Variants in ZNF438 observed in about 807,000 individuals in gnomAD.
The protein encoded by ZNF438 is zinc finger protein 438.
Under a neutral mutation model 38.0 loss-of-function variants are expected in ZNF438, and 25 were observed. The observed-to-expected ratio is 0.66, with a 90% CI of 0.48 to 0.92. The LOEUF (loss-of-function observed/expected upper bound fraction) is 0.92, where lower values mean the gene tolerates loss of function less well. ZNF438 is among the 40% of genes least tolerant of loss of function. The pLI, the probability that ZNF438 is intolerant of heterozygous loss-of-function variation, is 0.00. For synonymous variants in ZNF438, 372 were observed against 364.1 expected (o/e 1.02, Z -0.25); for missense variants, 1,007 against 999.6 (o/e 1.01, Z -0.10).
intron 3 of ZNF438, among the ~76,000 whole-genome samples, chr10:30,879,364 AT>A (rs2038906037): frequency 6.6e-6 from 1 of 152,376 alleles, no homozygotes; most frequent in East Asian, 1.9e-4. Flanking sequence ...GTTTCAAACT[AT>A]TTTAACTATG....
intron 1 of ZNF438, among the ~76,000 whole-genome samples, chr10:30,944,167 G>T (rs75079338): frequency 0.012 from 1,883 of 152,148 alleles, 29 homozygotes; most frequent in African/African-American, 0.042. Context: ...CATCTGTTTC[G>T]GCAAAAGACT....
chr10:30,865,422 G>A (rs1326013056), intron 4 of ZNF438, among the ~76,000 whole-genome samples: 3 of 150,944 alleles, frequency 2.0e-5, no homozygotes, highest in East Asian at 3.9e-4. Context: ...TTTAAGCAGC[G>A]ACAAAGTAAT....
At chr10:30,847,844 C>T (rs1468953836) in intron 5 of ZNF438, among the ~76,000 whole-genome samples, 2 of 152,370 alleles carry the variant, frequency 1.3e-5, no homozygotes, top group Admixed American at 6.5e-5. Flanking sequence ...CCAGACCCCA[C>T]GCTCACTCAC....
At chr10:30,979,041 G>C (rs909026294) in intron 1 of ZNF438, among the ~76,000 whole-genome samples, 4 of 152,306 alleles carry the variant, frequency 2.6e-5, no homozygotes, top group Admixed American at 6.5e-5. Flanking sequence ...TCTGTAAATG[G>C]AACAACAAAG....
chr10:30,973,881 T>G (rs1185440492), intron 1 of ZNF438, among the ~76,000 whole-genome samples: 4 of 152,220 alleles, frequency 2.6e-5, no homozygotes, highest in African/African-American at 7.2e-5. Flanking sequence ...TTGAAAACTC[T>G]CTCTGCCCAC....
rs113246400 is a variant in ZNF438 at position 30,873,540 on chromosome 10, ATT to A, written c.37+3456_37+3457del. Among the ~76,000 whole-genome samples, 798 of 152,256 alleles carry A rather than the reference ATT, an allele frequency of 5.2e-3. 9 individuals carry two copies. Among genetic ancestry groups the A allele is most frequent in the African/African-American group, 0.018 (754 of 41,554 alleles). On this transcript the variant is annotated intron_variant, in intron 4 of 5. Transcript: ENST00000413025. ...ATCCTGAACAAATGTCATCTCCTCC[ATT>A]TTGTTTCCTGACCAGCCTCAAAATC...
At chr10:31,007,779 A>C (rs2055300843) in intron 1 of ZNF438, among the ~76,000 whole-genome samples, 1 of 152,190 alleles carries the variant, frequency 6.6e-6, no homozygotes, top group African/African-American at 2.4e-5. Context: ...TTAATAGTAG[A>C]ACACACTTAA....
chr10:30,960,327 T>C (rs888473737), intron 1 of ZNF438, among the ~76,000 whole-genome samples: 1 of 147,236 alleles, frequency 6.8e-6, no homozygotes, highest in Non-Finnish European at 1.5e-5. Context: ...GCTTCTGGTG[T>C]CATACCTAAC....
Position 30,905,965 on chromosome 10 carries a change from C to T in ZNF438, c.-32+2968G>A, listed in dbSNP as rs115255199. ...ACTACCACACTGTTATTTATTATAG[C>T]TTTGTAGTAAGTCTTGAAATTGAGA... On this transcript the variant is annotated intron_variant, in intron 3 of 5. Coordinates refer to ENST00000413025, the Ensembl canonical transcript of ZNF438. Among the ~76,000 whole-genome samples, 266 of 152,242 alleles carry T rather than the reference C, an allele frequency of 1.7e-3. 2 individuals are homozygous for T. Among genetic ancestry groups the T allele is most frequent in the African/African-American group, 5.7e-3 (236 of 41,550 alleles).
At chr10:30,860,024 T>C (rs948364194) in intron 4 of ZNF438, among the ~76,000 whole-genome samples, 3 of 152,040 alleles carry the variant, frequency 2.0e-5, no homozygotes, top group Admixed American at 1.3e-4. Context: ...AGATTAGCCA[T>C]AGAATCTAGA....
intron 4 of ZNF438, among the ~76,000 whole-genome samples, chr10:30,872,400 T>G: frequency 1.7e-5 from 2 of 117,628 alleles, no homozygotes; most frequent in Non-Finnish European, 1.7e-5. Context: ...CACTCTAGCC[T>G]GGGTGACAGA....
rs1338592825 is a variant in ZNF438 at position 30,845,592 on chromosome 10, A to G, written c.1875-19T>C. On this transcript the variant is annotated intron_variant, in intron 5 of 5. Transcript: ENST00000413025. ...GTTTTCCCTGAAAAGGCCAATAATA[A>G]TGAAGATAAGATTTCATGGAAAAAT... 8 of 1,593,486 alleles carry G rather than the reference A, an allele frequency of 5.0e-6. 1 individual carries two copies. In the South Asian group the frequency reaches 8.0e-5, roughly 16 times the overall value.
chr10:30,893,027 T>C (rs577942078), intron 3 of ZNF438, among the ~76,000 whole-genome samples: 1 of 152,334 alleles, frequency 6.6e-6, no homozygotes, highest in East Asian at 1.9e-4. Context: ...GAAGTCTATC[T>C]GCAGGAAGTC....
chr10:31,007,431 G>A (rs952380040), intron 1 of ZNF438, among the ~76,000 whole-genome samples: 2 of 151,910 alleles, frequency 1.3e-5, no homozygotes, highest in African/African-American at 2.4e-5. Context: ...ACAGGTGCAC[G>A]CCACCATGCC....
chr10:30,985,188 C>A (rs142050489), intron 1 of ZNF438, among the ~76,000 whole-genome samples: 1 of 152,062 alleles, frequency 6.6e-6, no homozygotes, highest in Non-Finnish European at 1.5e-5. Context: ...AAAAAGTATA[C>A]CTAGGCAGGA....
intron 1 of ZNF438, among the ~76,000 whole-genome samples, chr10:30,977,470 ATGGC>A (rs1293619573): frequency 1.3e-5 from 2 of 152,180 alleles, no homozygotes; most frequent in Admixed American, 1.3e-4. Context: ...TCCAACTAAG[ATGGC>A]TACTGTAACT....
At chr10:30,903,340 A>G (rs937536642) in intron 3 of ZNF438, among the ~76,000 whole-genome samples, 1 of 152,230 alleles carries the variant, frequency 6.6e-6, no homozygotes, top group African/African-American at 2.4e-5. Flanking sequence ...CTGCCAGCAC[A>G]CTGTCACCTC....
At chr10:30,999,724 A>G (rs1285442992) in intron 1 of ZNF438, among the ~76,000 whole-genome samples, 3 of 152,128 alleles carry the variant, frequency 2.0e-5, no homozygotes, top group African/African-American at 7.2e-5. Flanking sequence ...ACACATATTT[A>G]TTTATATGAA....
chr10:30,937,170 G>A (rs2046343442), intron 2 of ZNF438, among the ~76,000 whole-genome samples: 1 of 152,166 alleles, frequency 6.6e-6, no homozygotes, highest in South Asian at 2.1e-4. Context: ...CACCAGCAGG[G>A]GATGGGCCCA....
Sources: allele counts gnomAD v4.1 joint callset (sites outside exome capture counted in the v4.1 genomes callset), GRCh38; gene constraint gnomAD v4.1.1; transcripts MANE v1.5; gene names NCBI Gene and HGNC (gene_info 2026-07-23, HGNC 2026-07-21).